BDP1: variants seen among roughly 807,000 people sequenced by gnomAD.
The protein encoded by BDP1 is BDP1 general transcription factor IIIB subunit.
In BDP1, 169 loss-of-function variants were observed where a neutral mutation model predicts 266.6. That is an observed-to-expected ratio of 0.63 (90% CI 0.56 to 0.72). The LOEUF (loss-of-function observed/expected upper bound fraction) is 0.72. Among genes scored for constraint, BDP1 ranks in the 30% least tolerant of loss-of-function variants. The pLI is 0.00. For synonymous variants in BDP1, 1,090 were observed against 1,022.4 expected (o/e 1.07, Z -1.26); for missense variants, 3,015 against 3,053.8 (o/e 0.99, Z 0.30).
At chr5:71,495,668 T>G (rs1763847080) in intron 12 of BDP1, among the ~76,000 whole-genome samples, 1 of 152,188 alleles carries the variant, frequency 6.6e-6, no homozygotes, top group African/African-American at 2.4e-5. Context: ...GGTGGTAACT[T>G]ACGAAATTCT....
chr5:71,456,993 T>C (rs1761230246), intron 1 of BDP1, among the ~76,000 whole-genome samples: 2 of 152,206 alleles, frequency 1.3e-5, no homozygotes, highest in Admixed American at 1.3e-4. Flanking sequence ...TGGTGCTGAG[T>C]GTATGGTGTT....
At chr5:71,527,905 A>C (rs553828260) in intron 25 of BDP1, among the ~76,000 whole-genome samples, 1 of 149,344 alleles carries the variant, frequency 6.7e-6, no homozygotes, top group Non-Finnish European at 1.5e-5. Flanking sequence ...TGTAACCTCC[A>C]TCTCCCAGGT....
intron 16 of BDP1, among the ~76,000 whole-genome samples, chr5:71,507,706 C>T (rs184342326): frequency 5.9e-5 from 9 of 152,260 alleles, no homozygotes; most frequent in Admixed American, 4.6e-4. Context: ...AAATGGAATG[C>T]GGTCCATTCA....
chr5:71,576,676 A>C, the BDP1 span, among the ~76,000 whole-genome samples: 1 of 152,236 alleles, frequency 6.6e-6, no homozygotes, highest in Non-Finnish European at 1.5e-5. Flanking sequence ...TAGATGGAAA[A>C]GAAGAAAATC....
intron 32 of BDP1, 138 bp from the exon 33 acceptor site, chr5:71,548,544 A>G: frequency 1.6e-6 from 1 of 607,956 alleles, no homozygotes; most frequent in Non-Finnish European, 3.0e-6. Flanking sequence ...GGAACAGCCT[A>G]AAGCTTCAAA....
intron 31 of BDP1, 41 bp downstream of exon 31, chr5:71,544,548 T>G: frequency 6.3e-7 from 1 of 1,586,852 alleles, no homozygotes; most frequent in Non-Finnish European, 8.6e-7. Flanking sequence ...TTTATATTGT[T>G]TCAGCTATAG....
intron 25 of BDP1, among the ~76,000 whole-genome samples, chr5:71,527,995 A>G (rs180956413): frequency 3.3e-5 from 5 of 151,814 alleles, no homozygotes; most frequent in Admixed American, 2.6e-4. Flanking sequence ...ATTTTTTTGT[A>G]TTTTTAGTAG....
chr5:71,464,791 T>C (rs1247552358), intron 4 of BDP1, among the ~76,000 whole-genome samples: 1 of 143,348 alleles, frequency 7.0e-6, no homozygotes, highest in African/African-American at 2.6e-5. Context: ...CGATCTCGGC[T>C]CACTGCAGCC....
rs1243328094 is a variant in BDP1 at position 71,509,676 on chromosome 5, C to G, written c.2584C>G (p.Pro862Ala). 6.2e-7 allele frequency: 1 copy of G among 1,612,936 alleles called. No homozygotes were observed. The highest frequency in any genetic ancestry group is 1.3e-5 in the African/African-American group (1 of 74,708). Reference sequence around the variant, plus strand: ...AGACACCTCACCAAAGGAGATGGTACCAGCAGAGATTAATACTAAAGAAAT... The same window carrying G: ...AGACACCTCACCAAAGGAGATGGTAGCAGCAGAGATTAATACTAAAGAAAT... ...RLDTSPKEMV[P>A]AEINTKEMQS... is the part of the protein sequence containing the mutation. The change falls in exon 17 of 39, where the codon CCA (proline) becomes GCA (alanine). Residue 862 changes from proline (P) to alanine (A), a missense_variant. Pro to Ala is a conservative substitution (Grantham distance 27). Coordinates refer to ENST00000358731, the MANE Select transcript of BDP1 (RefSeq NM_018429.3).
downstream of BDP1, among the ~76,000 whole-genome samples, chr5:71,568,567 C>G (rs149560985): frequency 4.6e-5 from 7 of 152,128 alleles, no homozygotes; most frequent in Non-Finnish European, 8.8e-5. Flanking sequence ...CTTCTGGGTG[C>G]GAGCAATCCT....
intron 11 of BDP1, among the ~76,000 whole-genome samples, chr5:71,492,681 A>T (rs1025603010): frequency 6.6e-6 from 1 of 152,102 alleles, no homozygotes; most frequent in African/African-American, 2.4e-5. Context: ...CTCCCATTCC[A>T]TAGGTTGCCT....
chr5:71,570,675 G>A (rs1310458763), downstream of BDP1, among the ~76,000 whole-genome samples: 1 of 152,232 alleles, frequency 6.6e-6, no homozygotes, highest in Admixed American at 6.5e-5. Context: ...AAACAGTTCG[G>A]CATTGCTGCC....
chr5:71,500,709 C>G (rs1310880885), intron 13 of BDP1, among the ~76,000 whole-genome samples: 1 of 152,030 alleles, frequency 6.6e-6, no homozygotes, highest in Non-Finnish European at 1.5e-5. Flanking sequence ...TTTTACACAA[C>G]TGAATCATGG....
chr5:71,531,002 A>T (rs1262806583), intron 25 of BDP1, among the ~76,000 whole-genome samples: 3 of 152,036 alleles, frequency 2.0e-5, no homozygotes, highest in Non-Finnish European at 4.4e-5. Flanking sequence ...TGAGCCTGAG[A>T]GGTTGAGGCT....
At chr5:71,550,385 A>G (rs276597) in intron 34 of BDP1, among the ~76,000 whole-genome samples, 63,723 of 151,786 alleles carry the variant, frequency 0.42, 13,746 homozygotes, top group South Asian at 0.47. Flanking sequence ...GGAAAAAAAA[A>G]AAAAGATCCT....
At chr5:71,502,934 G>C in intron 15 of BDP1, 143 bp downstream of exon 15, 1 of 663,236 alleles carries the variant, frequency 1.5e-6, no homozygotes, top group South Asian at 2.8e-5. Flanking sequence ...TGTCGCCCAG[G>C]CTGGAATGCA....
rs577007860 is a variant in BDP1, at chr5:71,526,357, C to G, written c.5772+2034C>G. 4.0e-5 allele frequency among the ~76,000 whole-genome samples: 6 copies of G among 151,872 alleles called. No individual in the cohort carries two copies. In the East Asian group the frequency reaches 1.2e-3, roughly 30 times the overall value. ...TTGGACCAGGCATGGTGGCTCACGC[C>G]TATAATCCCAGCACTTTGGGAGGCC... On this transcript the variant is annotated intron_variant, in intron 25 of 38. Transcript: ENST00000358731.
intron 4 of BDP1, among the ~76,000 whole-genome samples, chr5:71,465,077 A>G (rs1318259585): frequency 1.3e-5 from 2 of 151,850 alleles, no homozygotes; most frequent in South Asian, 4.2e-4. Context: ...TATGTCGCCC[A>G]GGCTGGTGGT....
At chr5:71,558,067 A>G (rs1219412950) in intron 36 of BDP1, among the ~76,000 whole-genome samples, 1 of 152,118 alleles carries the variant, frequency 6.6e-6, no homozygotes, top group African/African-American at 2.4e-5. Context: ...CATTTCTTTT[A>G]TGACATTATT....
Sources: gnomAD v4.1 joint callset for allele counts (sites outside exome capture counted in the v4.1 genomes callset) on GRCh38, gnomAD v4.1.1 for gene constraint, MANE v1.5 for transcripts, NCBI Gene and HGNC (gene_info 2026-07-23, HGNC 2026-07-21) for gene names.